The following LRP1B variants were observed in gnomAD, a reference collection of about 807,000 sequenced individuals.
The protein encoded by LRP1B is low-density lipoprotein receptor-related protein 1B.
In LRP1B, 217 loss-of-function variants were observed where a neutral mutation model predicts 556.6. The observed-to-expected ratio is 0.39, with a 90% CI of 0.35 to 0.44. LRP1B has a LOEUF of 0.44. LRP1B is among the 20% of genes least tolerant of loss of function. LRP1B has a pLI of 1.00. For missense variants in LRP1B, 5,053 were observed against 5,620.8 expected (o/e 0.90, Z 3.23); for synonymous variants, 2,047 against 1,865.8 (o/e 1.10, Z -2.50).
In LRP1B at chr2:141,757,870, A is replaced by G. The variant is rs987892669; in HGVS notation, c.205+52409T>C. On this transcript the variant is annotated intron_variant, in intron 2 of 90. Coordinates refer to ENST00000389484, the MANE Select transcript of LRP1B (RefSeq NM_018557.3). ...TAATTCTAACTCAGTTTTTCTTCCT[A>G]AACAGAGCCCCATAGCTTATTAATT... Among the ~76,000 whole-genome samples the G allele has an allele frequency of 2.1e-5, 3 of 142,272 alleles. No homozygotes were observed. In the Admixed American group the frequency reaches 2.2e-4, roughly 10 times the overall value. The allele number at this position is 142,272 out of a possible 152,430, so 93.3% of individuals were successfully genotyped here. A position where few individuals can be genotyped will look rare whatever the true frequency, so the allele number is the denominator to read the frequency against.
At chr2:140,841,159 G>T in intron 29 of LRP1B, 67 bp from the exon 30 acceptor site, 1 of 1,004,860 alleles carries the variant, frequency 1.0e-6, no homozygotes, top group Non-Finnish European at 1.4e-6. Context: ...TCTGCAAGTA[G>T]TTATTTTCTA....
intron 82 of LRP1B, among the ~76,000 whole-genome samples, chr2:140,318,214 C>T (rs951846463): frequency 3.3e-5 from 5 of 152,056 alleles, no homozygotes; most frequent in Non-Finnish European, 7.4e-5. Flanking sequence ...ATCAATAATT[C>T]TGAAATCCAC....
chr2:140,598,570 T>C (rs929154762), intron 43 of LRP1B, 61 bp downstream of exon 43: 15 of 1,278,590 alleles, frequency 1.2e-5, no homozygotes, highest in Non-Finnish European at 1.6e-5. Flanking sequence ...AGAGTATAAA[T>C]CACATGTTTT....
At position 140,881,569 on chromosome 2, in the gene LRP1B, T is replaced by C. The variant is rs140116064; in HGVS notation, c.4169+2248A>G. On this transcript the variant is annotated intron_variant, in intron 25 of 90. Transcript: ENST00000389484. ...CTTCCAGTTAACACTTAGAGTTTAA[T>C]GAATTAGTAGTTATCCAAACTCTAG... 2.2e-3 allele frequency among the ~76,000 whole-genome samples: 286 copies of C among 129,134 alleles called. 2 individuals are homozygous for C. Among genetic ancestry groups the C allele is most frequent in the Non-Finnish European group, 3.6e-3 (217 of 60,830 alleles). The allele number at this position is 129,134 out of a possible 152,430, so 84.7% of individuals were successfully genotyped here.
At chr2:140,934,367 T>C (rs1695142385) in intron 20 of LRP1B, among the ~76,000 whole-genome samples, 1 of 152,094 alleles carries the variant, frequency 6.6e-6, no homozygotes, top group African/African-American at 2.4e-5. Flanking sequence ...ATGAATTGAA[T>C]GAGGATTATA....
chr2:141,670,399 T>G, intron 2 of LRP1B, among the ~76,000 whole-genome samples: 1 of 152,326 alleles, frequency 6.6e-6, no homozygotes, highest in Middle Eastern at 3.4e-3. Flanking sequence ...ATGTATAAAC[T>G]TCTTTATAAT....
chr2:141,889,068 A>G (rs911362229), intron 1 of LRP1B, among the ~76,000 whole-genome samples: 2 of 152,176 alleles, frequency 1.3e-5, no homozygotes, highest in Non-Finnish European at 2.9e-5. Flanking sequence ...TCCAGAGATT[A>G]TGCTGGAAAT....
At chr2:142,058,803 C>T (rs887180481) in intron 1 of LRP1B, among the ~76,000 whole-genome samples, 1 of 152,064 alleles carries the variant, frequency 6.6e-6, no homozygotes, top group Non-Finnish European at 1.5e-5. Flanking sequence ...CCCCTCTCCC[C>T]TACCCTAATT....
At chr2:142,038,517 C>CT (rs1703962418) in intron 1 of LRP1B, among the ~76,000 whole-genome samples, 1 of 151,504 alleles carries the variant, frequency 6.6e-6, no homozygotes, top group Non-Finnish European at 1.5e-5. Flanking sequence ...AGGCACTGTT[C>CT]TAAGTGTTTT....
chr2:140,855,253 CA>C (rs763675239), intron 27 of LRP1B, among the ~76,000 whole-genome samples: 5 of 151,320 alleles, frequency 3.3e-5, no homozygotes, highest in Non-Finnish European at 7.4e-5. Context: ...AGGTTTTCTC[CA>C]TTTCCTGCAT....
intron 2 of LRP1B, among the ~76,000 whole-genome samples, chr2:141,563,356 C>T (rs1686228125): frequency 6.6e-6 from 1 of 151,684 alleles, no homozygotes; most frequent in Admixed American, 6.6e-5. Context: ...AAATAAATTG[C>T]CAAAGAAAAG....
chr2:142,121,013 A>C (rs1156839120), intron 1 of LRP1B, among the ~76,000 whole-genome samples: 3 of 152,208 alleles, frequency 2.0e-5, no homozygotes, highest in Non-Finnish European at 4.4e-5. Context: ...ATAATTTATT[A>C]TCTGATTAGA....
At chr2:140,813,924 C>T (rs770937433) in intron 31 of LRP1B, 118 bp from the exon 32 acceptor site, 6 of 692,230 alleles carry the variant, frequency 8.7e-6, no homozygotes, top group Non-Finnish European at 1.4e-5. Context: ...TTTGTCTTTA[C>T]AAATAAGATC....
At chr2:141,742,144 G>A (rs999705924) in intron 2 of LRP1B, among the ~76,000 whole-genome samples, 7 of 151,616 alleles carry the variant, frequency 4.6e-5, no homozygotes, top group Admixed American at 1.3e-4. Flanking sequence ...CTGTTCCACT[G>A]GTCTATGTGT....
chr2:140,738,719 C>T (rs759791505), intron 35 of LRP1B, among the ~76,000 whole-genome samples: 1 of 152,138 alleles, frequency 6.6e-6, no homozygotes, highest in Non-Finnish European at 1.5e-5. Context: ...CATCAGATCT[C>T]CTAATCTCAT....
chr2:140,537,807 G>A (rs10198931), intron 45 of LRP1B, among the ~76,000 whole-genome samples: 69,889 of 151,944 alleles, frequency 0.46, 16,519 homozygotes, highest in East Asian at 0.58. Context: ...TTCTACAGGT[G>A]AGTTTCATCC....
At chr2:141,722,263 G>A (rs914008943) in intron 2 of LRP1B, among the ~76,000 whole-genome samples, 4 of 151,932 alleles carry the variant, frequency 2.6e-5, no homozygotes, top group African/African-American at 7.3e-5. Flanking sequence ...CTGTAATCAC[G>A]GCTGCTCAGG....
At chr2:141,085,579 C>G (rs1700031139) in intron 7 of LRP1B, among the ~76,000 whole-genome samples, 1 of 152,104 alleles carries the variant, frequency 6.6e-6, no homozygotes, top group African/African-American at 2.4e-5. Flanking sequence ...CTCAAGAAAC[C>G]AAACCTGCTA....
intron 2 of LRP1B, among the ~76,000 whole-genome samples, chr2:141,637,935 A>G (rs1360897955): frequency 6.6e-6 from 1 of 152,138 alleles, no homozygotes; most frequent in East Asian, 1.9e-4. Context: ...AGAACTTTAA[A>G]TATATCTGTA....
Sources: gnomAD v4.1 joint callset for allele counts (sites outside exome capture counted in the v4.1 genomes callset) on GRCh38, gnomAD v4.1.1 for gene constraint, MANE v1.5 for transcripts, NCBI Gene and HGNC (gene_info 2026-07-23, HGNC 2026-07-21) for gene names.